PCDHGA4: variants seen among roughly 807,000 people sequenced by gnomAD.
PCDHGA4 encodes the protein protocadherin gamma subfamily A, 4.
A neutral mutation model predicts 54.6 loss-of-function variants in PCDHGA4; 38 were observed. The observed-to-expected ratio is 0.70, with a 90% confidence interval of 0.54 to 0.91. The LOEUF (loss-of-function observed/expected upper bound fraction) is 0.91. Among genes scored for constraint, PCDHGA4 ranks in the 40% least tolerant of loss-of-function variants. PCDHGA4 has a pLI of 0.00. For synonymous variants in PCDHGA4, 511 were observed against 512.9 expected, an observed-to-expected ratio of 1.00 and a Z score of 0.05; for missense variants, 1,298 against 1,220.9, an observed-to-expected ratio of 1.06 and a Z score of -0.94.
chr5:141,489,915 C>T lies in PCDHGA4; in HGVS notation c.2515-4892C>T, dbSNP rs971312502. On this transcript the variant is annotated intron_variant, in intron 1 of 3. Coordinates refer to ENST00000571252, the MANE Select transcript of PCDHGA4 (RefSeq NM_018917.4). This position sits in a 1 kb window ranked among gnomAD's most constrained non-coding sequence, Gnocchi z 4.5. ...GGGGGACCCCAGCCCGCTCAGGGAC[C>T]ACCCTTATCTCTGTCATCGTGCTGG... The T allele has an allele frequency of 6.2e-7, 1 of 1,614,242 alleles. No individual in the cohort carries two copies. Among genetic ancestry groups the T allele is most frequent in the Non-Finnish European group, 8.5e-7 (1 of 1,180,044 alleles).
intron 1 of PCDHGA4, among the ~76,000 whole-genome samples, chr5:141,438,623 TATATATATATATACACACAC>T (rs1272037524): frequency 7.0e-5 from 3 of 42,840 alleles, no homozygotes; most frequent in African/African-American, 1.6e-4. Flanking sequence ...TATATATATA[TATATATATATATACACACAC>T]ACACACACAT....
chr5:141,507,206 G>A (rs1392293998), intron 3 of PCDHGA4: 2 of 152,376 alleles, frequency 1.3e-5, no homozygotes, highest in African/African-American at 4.8e-5. Flanking sequence ...CCAGATCAGG[G>A]TTGCCAGATA....
Position 141,431,067 on chromosome 5 carries a change from A to G in PCDHGA4, c.2515-63740A>G. The G allele has an allele frequency of 1.2e-6, 2 of 1,614,164 alleles. No homozygotes were observed. Among genetic ancestry groups the G allele is most frequent in the Non-Finnish European group, 1.7e-6 (2 of 1,179,976 alleles). Reference sequence around the variant, plus strand: ...CTCTGTATGGGGGCCATCAAGTGTCAATTAAATCTAGACATTCTGATGGAG... The same window carrying G: ...CTCTGTATGGGGGCCATCAAGTGTCGATTAAATCTAGACATTCTGATGGAG... On this transcript the variant is annotated intron_variant, in intron 1 of 3. Transcript: ENST00000571252. This position sits in a 1 kb window ranked among gnomAD's most constrained non-coding sequence, Gnocchi z 4.8.
chr5:141,454,101 A>T (rs2098781558), intron 1 of PCDHGA4, among the ~76,000 whole-genome samples: 1 of 152,256 alleles, frequency 6.6e-6, no homozygotes. Flanking sequence ...ATTGAACATA[A>T]ATGGAGTTAT....
intron 3 of PCDHGA4, chr5:141,507,285 C>T (rs80317708): frequency 2.7e-5 from 4 of 150,212 alleles, no homozygotes; most frequent in African/African-American, 7.4e-5. Flanking sequence ...ATAAGTCAGT[C>T]TCAAATGTTG....
intron 1 of PCDHGA4, chr5:141,372,037 T>TGC (rs772549612): frequency 5.6e-6 from 9 of 1,613,494 alleles, no homozygotes; most frequent in Middle Eastern, 1.7e-4. Flanking sequence ...AACGTGAGCC[T>TGC]GCGCGTGTTG....
At chr5:141,410,260 T>C in intron 1 of PCDHGA4, 1 of 1,614,054 alleles carries the variant, frequency 6.2e-7, no homozygotes, top group Non-Finnish European at 8.5e-7. Context: ...ACCCCCAGGC[T>C]GAACTGCAGT....
chr5:141,456,098 C>T (rs1222639126), intron 1 of PCDHGA4, among the ~76,000 whole-genome samples: 2 of 151,980 alleles, frequency 1.3e-5, no homozygotes, highest in Non-Finnish European at 2.9e-5. Flanking sequence ...GGGATTTCAC[C>T]GTGTTAGCCA....
At chr5:141,458,064 C>T (rs886724551) in intron 1 of PCDHGA4, among the ~76,000 whole-genome samples, 14 of 152,104 alleles carry the variant, frequency 9.2e-5, no homozygotes, top group East Asian at 3.9e-4. Context: ...TGCACTGATG[C>T]GAACAACTAT....
chr5:141,486,598 C>T lies in PCDHGA4; in HGVS notation c.2515-8209C>T. 2 of 1,613,604 alleles carry T rather than the reference C, an allele frequency of 1.2e-6. No homozygotes were observed. Among genetic ancestry groups the T allele is most frequent in the Non-Finnish European group, 1.7e-6 (2 of 1,179,998 alleles). ...ACAATCGCCCAGGGGACCTGCTTTG[C>T]TCCCTTGCAGCCTCTGACCCAGACT... On this transcript the variant is annotated intron_variant, in intron 1 of 3. Transcript: ENST00000571252. The surrounding 1 kb of genome is among the most constrained non-coding windows in gnomAD (Gnocchi z 5.0).
Position 141,370,669 on chromosome 5 carries a change from G to T in PCDHGA4, c.2514+13048G>T, listed in dbSNP as rs370792537. 8.7e-6 allele frequency: 14 copies of T among 1,613,790 alleles called. No homozygotes were observed. The highest frequency in any genetic ancestry group is 1.1e-5 in the Non-Finnish European group (13 of 1,179,912). On this transcript the variant is annotated intron_variant, in intron 1 of 3. Coordinates refer to ENST00000571252, the MANE Select transcript of PCDHGA4 (RefSeq NM_018917.4). ...TTACTTGTGAGCGACCGTATAGACCGAGAGGAGATTTGTGGCAAGAAGTCG... is the reference window on the plus strand; with the variant it reads ...TTACTTGTGAGCGACCGTATAGACCTAGAGGAGATTTGTGGCAAGAAGTCG...
chr5:141,489,991 A>G lies in PCDHGA4; in HGVS notation c.2515-4816A>G, dbSNP rs1157441385. On this transcript the variant is annotated intron_variant, in intron 1 of 3. Coordinates refer to ENST00000571252, the MANE Select transcript of PCDHGA4 (RefSeq NM_018917.4). The surrounding 1 kb of genome is among the most constrained non-coding windows in gnomAD (Gnocchi z 4.5). Reference sequence around the variant, plus strand: ...CCAATCCTCAGTTCTACGTGTGGGAATCCCAGAGAATGCACCCATTGGTAC... The same window carrying G: ...CCAATCCTCAGTTCTACGTGTGGGAGTCCCAGAGAATGCACCCATTGGTAC... The G allele has an allele frequency of 6.2e-7, 1 of 1,614,228 alleles. No individual in the cohort carries two copies. Among genetic ancestry groups the G allele is most frequent in the South Asian group, 1.1e-5 (1 of 91,090 alleles).
intron 1 of PCDHGA4, chr5:141,388,994 T>C: frequency 6.2e-7 from 1 of 1,614,042 alleles, no homozygotes; most frequent in Non-Finnish European, 8.5e-7. Flanking sequence ...TCAAAGTCCG[T>C]GACAAGGATT....
At chr5:141,374,208 G>C in intron 1 of PCDHGA4, 1 of 1,613,952 alleles carries the variant, frequency 6.2e-7, no homozygotes, top group Non-Finnish European at 8.5e-7. Context: ...CTGGAGAAAG[G>C]CTCCTTCGTA....
At chr5:141,468,965 T>C (rs2099187692) in intron 1 of PCDHGA4, among the ~76,000 whole-genome samples, 1 of 151,738 alleles carries the variant, frequency 6.6e-6, no homozygotes, top group Admixed American at 6.6e-5. Context: ...TTTTTTACCT[T>C]AGGCTTTTGA....
chr5:141,405,822 T>C (rs1055689569), intron 1 of PCDHGA4, among the ~76,000 whole-genome samples: 2 of 151,888 alleles, frequency 1.3e-5, no homozygotes, highest in African/African-American at 4.8e-5. Flanking sequence ...CTGTCTGTAC[T>C]TAAGGTAGTA....
rs1449032006 is a variant in PCDHGA4 at position 141,438,617 on chromosome 5, TATATATATATATATATATAC to T, written c.2515-56188_2515-56169del. 2.9e-3 allele frequency among the ~76,000 whole-genome samples: 107 copies of T among 37,156 alleles called. 1 individual carries two copies. Among genetic ancestry groups the T allele is most frequent in the South Asian group, 0.015 (15 of 996 alleles). 24.4% of individuals were successfully genotyped at this position (37,156 alleles called of 152,430 possible). On this transcript the variant is annotated intron_variant, in intron 1 of 3. Transcript: ENST00000571252. Reference sequence around the variant, plus strand: ...ATATATATATATATATATATATATATATATATATATATATATATACACACACACACACACATATATGTATA... The same window carrying T: ...ATATATATATATATATATATATATATACACACACACACACATATATGTATA...
At chr5:141,492,312 C>T (rs1470136040) in intron 1 of PCDHGA4, among the ~76,000 whole-genome samples, 2 of 152,348 alleles carry the variant, frequency 1.3e-5, no homozygotes, top group African/African-American at 4.8e-5. Flanking sequence ...CGCACGCACT[C>T]CTCGCACGTG....
intron 1 of PCDHGA4, chr5:141,413,400 G>C: frequency 6.2e-7 from 1 of 1,614,060 alleles, no homozygotes; most frequent in Non-Finnish European, 8.5e-7. Context: ...CCAGAGGTAG[G>C]ACGCAGCTTT....
Sources: gnomAD v4.1 joint callset for allele counts (sites outside exome capture counted in the v4.1 genomes callset) on GRCh38, gnomAD v4.1.1 for gene constraint, Gnocchi (gnomAD v3.1) non-coding constraint, MANE v1.5 for transcripts, NCBI Gene and HGNC (gene_info 2026-07-23, HGNC 2026-07-21) for gene names.